The following COG7 variants were observed in gnomAD, a reference collection of about 807,000 sequenced individuals.
COG7 encodes the protein component of oligomeric golgi complex 7.
A neutral mutation model predicts 91.5 loss-of-function variants in COG7; 49 were observed. The observed-to-expected ratio is 0.54, with a 90% confidence interval of 0.43 to 0.68. The LOEUF (loss-of-function observed/expected upper bound fraction) is 0.68. COG7 is among the 30% of genes least tolerant of loss of function. The pLI is 0.00. For missense variants in COG7, 895 were observed against 961.3 expected (o/e 0.93, Z 0.91); for synonymous variants, 365 against 388.7 (o/e 0.94, Z 0.72).
intron 9 of COG7, chr16:23,414,178 C>G (rs1291885154): frequency 1.3e-5 from 2 of 155,126 alleles, no homozygotes; most frequent in East Asian, 3.8e-4. Flanking sequence ...TCCCTCACAG[C>G]ATCTAAAACA....
intron 9 of COG7, chr16:23,416,631 C>A (rs1396033515): frequency 2.8e-6 from 1 of 352,074 alleles, no homozygotes; most frequent in African/African-American, 2.1e-5. Flanking sequence ...CCGCACCAGG[C>A]CAAAGGTCCT....
Position 23,433,569 on chromosome 16 carries a change from G to A in COG7, c.786C>T (p.His262=), listed in dbSNP as rs1297872454. 1 of 1,613,942 alleles carries A rather than the reference G, an allele frequency of 6.2e-7. No homozygotes were observed. Among genetic ancestry groups the A allele is most frequent in the Non-Finnish European group, 8.5e-7 (1 of 1,179,994 alleles). ...CCTGTGTAGCCCACTGGATTTGTGT[G>A]TGCCAAGCACCAAGCAAGGCATCAT... The part of the protein sequence containing the change: ...GLYDALLGAW[H]TQIQWATQVF... The change falls in exon 6 of 17, where the codon CAC becomes CAT. Residue 262 remains histidine (H), a synonymous_variant. Transcript: ENST00000307149.
intron 1 of COG7, 75 bp downstream of exon 1, chr16:23,452,751 C>A (rs976332638): frequency 5.7e-5 from 88 of 1,539,510 alleles, no homozygotes; most frequent in Non-Finnish European, 7.0e-5. Context: ...ACCTGAGTGC[C>A]TCACGCAAGT....
Position 23,453,186 on chromosome 16 carries a change from C to T in COG7, c.-192G>A. ...CACTCAGTTTGCGGCTGGGAATGAC[C>T]CTCGCCGCCCGCCGTTCTTCTTCCG... On this transcript the variant is annotated 5_prime_UTR_variant, in exon 1 of 17. Transcript: ENST00000307149. 3 of 1,307,644 alleles carry T rather than the reference C, an allele frequency of 2.3e-6. No homozygotes were observed. The highest frequency in any genetic ancestry group is 3.0e-6 in the Non-Finnish European group (3 of 986,036). The allele number at this position is 1,307,644 out of a possible 1,614,324, so 81.0% of individuals were successfully genotyped here. A position where few individuals can be genotyped will look rare whatever the true frequency, so the allele number is the denominator to read the frequency against.
chr16:23,442,496 T>C lies in COG7; in HGVS notation c.585A>G (p.Ala195=). The C allele has an allele frequency of 6.2e-7, 1 of 1,614,008 alleles. No homozygotes were observed. Among genetic ancestry groups the C allele is most frequent in the East Asian group, 2.2e-5 (1 of 44,884 alleles). The part of the protein sequence containing the change: ...EALASPQIVA[A]FTSQAVDQSK... ...ACTCACCTACAGCCTGAGAGGTGAA[T>C]GCCGCTACAATCTGTGGACTGGCTA... Residue 195 remains alanine, a synonymous_variant, in exon 4 of 17, where the codon GCA becomes GCG. Transcript: ENST00000307149.
intron 6 of COG7, among the ~76,000 whole-genome samples, chr16:23,430,086 C>T (rs1283657996): frequency 6.6e-6 from 1 of 152,046 alleles, no homozygotes; most frequent in African/African-American, 2.4e-5. Context: ...ATTAGGCTAC[C>T]CAGGTATTTG....
chr16:23,401,292 G>T (rs550260821), intron 13 of COG7, among the ~76,000 whole-genome samples: 1 of 152,140 alleles, frequency 6.6e-6, no homozygotes, highest in African/African-American at 2.4e-5. Context: ...TGGCACCCTC[G>T]GAGTGCTCCT....
At position 23,405,948 on chromosome 16, in the gene COG7, G is replaced by C. The variant is rs946463406; in HGVS notation, c.1662+128C>G. ...AAAATCCCAACATAAATGAGACAGA[G>C]AGGTAGTAGCAGGGTACGTCACAGC... On this transcript the variant is annotated intron_variant, in intron 12 of 16. Coordinates refer to ENST00000307149, the MANE Select transcript of COG7 (RefSeq NM_153603.4). The C allele has an allele frequency of 4.9e-6, 4 of 816,504 alleles. No homozygotes were observed. The African/African-American group carries it at 6.7e-5, about 14-fold the overall frequency. 50.6% of individuals were successfully genotyped at this position (816,504 alleles called of 1,614,324 possible).
At chr16:23,433,817 A>C in intron 5 of COG7, 150 bp from the exon 6 acceptor site, 1 of 716,356 alleles carries the variant, frequency 1.4e-6, no homozygotes, top group Non-Finnish European at 2.3e-6. Flanking sequence ...AAAGAAAGGC[A>C]GGAAAAAAAA....
Position 23,418,745 on chromosome 16 carries a change from G to C in COG7, c.1092C>G (p.Asp364Glu). Reference sequence around the variant, plus strand: ...GGATGAGGAGGTTGCTCTCTTCCATGTCGCCATACTTCAGCTGGTAGGGTT... The same window carrying C: ...GGATGAGGAGGTTGCTCTCTTCCATCTCGCCATACTTCAGCTGGTAGGGTT... ...PYKPYQLKYG[D>E]MEESNLLIQM... Residue 364 changes from aspartate to glutamate, a missense_variant, in exon 8 of 17, where the codon GAC (aspartate) becomes GAG (glutamate). Asp to Glu is a conservative substitution (Grantham distance 45). Transcript: ENST00000307149. 6.2e-7 allele frequency: 1 copy of C among 1,613,804 alleles called. No individual in the cohort carries two copies. The highest frequency in any genetic ancestry group is 8.5e-7 in the Non-Finnish European group (1 of 1,179,760).
intron 4 of COG7, chr16:23,441,765 C>T (rs931937032): frequency 3.7e-5 from 5 of 135,386 alleles, no homozygotes; most frequent in African/African-American, 1.6e-4. Flanking sequence ...AAACAAGCTA[C>T]ATACAAAAAA....
At chr16:23,422,978 G>A (rs536894905) in intron 7 of COG7, among the ~76,000 whole-genome samples, 18 of 150,028 alleles carry the variant, frequency 1.2e-4, no homozygotes, top group African/African-American at 4.4e-4. Flanking sequence ...CTGGGAGGCA[G>A]AGGTTGCAGT....
At chr16:23,445,630 A>T (rs1043616793) in intron 2 of COG7, among the ~76,000 whole-genome samples, 183 bp downstream of exon 2, 1 of 151,686 alleles carries the variant, frequency 6.6e-6, no homozygotes, top group Admixed American at 6.6e-5. Context: ...TGCAGCCTGC[A>T]CTCCAGCTAC....
At chr16:23,409,309 A>G (rs1963525517) in intron 11 of COG7, among the ~76,000 whole-genome samples, 1 of 152,098 alleles carries the variant, frequency 6.6e-6, no homozygotes, top group Non-Finnish European at 1.5e-5. Flanking sequence ...GCAGAAAGGG[A>G]TCATTTTGTG....
rs1963142211 is a variant in COG7, at chr16:23,389,008, G to A, written c.2225C>T (p.Thr742Ile). ...TLQHIVTLLKTRPEDYRQVSK... is the reference protein window; with the variant it reads ...TLQHIVTLLKIRPEDYRQVSK... ...GACCTGTCTATAGTCCTCAGGCCTG[G>A]TCTTCAGTAGCGTCACGATGTGCTG... The change falls in exon 17 of 17, where the codon ACC becomes ATC. Residue 742 changes from threonine (T) to isoleucine (I), a missense_variant. Thr to Ile is a moderately conservative substitution (Grantham distance 89). Coordinates refer to ENST00000307149, the MANE Select transcript of COG7 (RefSeq NM_153603.4). The A allele has an allele frequency of 1.2e-6, 2 of 1,614,024 alleles. No homozygotes were observed. The highest frequency in any genetic ancestry group is 2.7e-5 in the African/African-American group (2 of 74,916).
At chr16:23,451,278 T>C (rs1964261320) in intron 1 of COG7, among the ~76,000 whole-genome samples, 1 of 152,246 alleles carries the variant, frequency 6.6e-6, no homozygotes, top group Non-Finnish European at 1.5e-5. Flanking sequence ...TCTTTCCATC[T>C]GAGCCTAGGA....
intron 11 of COG7, among the ~76,000 whole-genome samples, chr16:23,407,860 C>T (rs1439619573): frequency 6.6e-6 from 1 of 151,678 alleles, no homozygotes; most frequent in Admixed American, 6.6e-5. Context: ...GAGAAGTGGG[C>T]AATAACTTGT....
Position 23,433,660 on chromosome 16 carries a change from A to G in COG7, c.695T>C (p.Leu232Pro). 6.2e-7 allele frequency: 1 copy of G among 1,614,046 alleles called. No homozygotes were observed. The highest frequency in any genetic ancestry group is 8.5e-7 in the Non-Finnish European group (1 of 1,179,980). Residue 232 changes from leucine (L) to proline (P), a missense_variant, in exon 6 of 17, where the codon CTT (leucine) becomes CCT (proline). By Grantham distance (98) the Leu-to-Pro change is moderately conservative. Coordinates refer to ENST00000307149, the MANE Select transcript of COG7 (RefSeq NM_153603.4). ...ACACAGCTCTTGCCAGGCTGCTAAAAGCTGCACCTGCAGAGACAGAACAAA... is the reference window on the plus strand; with the variant it reads ...ACACAGCTCTTGCCAGGCTGCTAAAGGCTGCACCTGCAGAGACAGAACAAA... ...AYYYKCHKVQ[L>P]LAAWQELCQS...
At position 23,445,155 on chromosome 16, in the gene COG7, C is replaced by T. The variant is rs1386848656; in HGVS notation, c.328G>A (p.Glu110Lys). The change falls in exon 3 of 17, where the codon GAA becomes AAA. Residue 110 changes from glutamate (E) to lysine (K), a missense_variant. Transcript: ENST00000307149. ...DTSQSMQVLV[E>K]IDQVKSRMQL... ...ATTCTGGACTTCACTTGGTCAATTT[C>T]TACCAACACCTGAAAGAGGCGTGAG... 6.2e-7 allele frequency: 1 copy of T among 1,613,156 alleles called. No homozygotes were observed. Among genetic ancestry groups the T allele is most frequent in the Admixed American group, 1.7e-5 (1 of 60,002 alleles).
Sources: allele counts gnomAD v4.1 joint callset (sites outside exome capture counted in the v4.1 genomes callset), GRCh38; gene constraint gnomAD v4.1.1; transcripts MANE v1.5; gene names NCBI Gene and HGNC (gene_info 2026-07-23, HGNC 2026-07-21).